The following CBFA2T2 variants were observed in gnomAD, a reference collection of about 807,000 sequenced individuals.
CBFA2T2 encodes CBFA2/RUNX1 partner transcriptional co-repressor 2.
A neutral mutation model predicts 62.2 loss-of-function variants in CBFA2T2; 11 were observed. The observed-to-expected ratio is 0.18, with a 90% confidence interval of 0.11 to 0.29. The LOEUF is 0.29. Among genes scored for constraint, CBFA2T2 ranks in the 10% least tolerant of loss-of-function variants. The pLI is 1.00. For synonymous variants in CBFA2T2, 295 were observed against 287.5 expected, an observed-to-expected ratio of 1.03 and a Z score of -0.27; for missense variants, 592 against 774.1, an observed-to-expected ratio of 0.76 and a Z score of 2.79.
At chr20:33,641,099 C>A (rs980738175) in intron 10 of CBFA2T2, among the ~76,000 whole-genome samples, 4 of 151,782 alleles carry the variant, frequency 2.6e-5, no homozygotes, top group Non-Finnish European at 4.4e-5. Flanking sequence ...GTGGTGCAAT[C>A]TTGGCTCACT....
At chr20:33,512,330 G>T (rs137969554) in intron 1 of CBFA2T2, among the ~76,000 whole-genome samples, 114 of 152,176 alleles carry the variant, frequency 7.5e-4, no homozygotes, top group African/African-American at 2.6e-3. Flanking sequence ...CAGCCTGGGC[G>T]ACAGAGCGAG....
At chr20:33,601,321 G>GT (rs1438199545) in intron 1 of CBFA2T2, among the ~76,000 whole-genome samples, 1 of 152,154 alleles carries the variant, frequency 6.6e-6, no homozygotes, top group Non-Finnish European at 1.5e-5. Context: ...CTGGAGTGCA[G>GT]TGGTGCGGTC....
At chr20:33,620,099 A>G (rs1257573177) in intron 4 of CBFA2T2, among the ~76,000 whole-genome samples, 1 of 152,226 alleles carries the variant, frequency 6.6e-6, no homozygotes, top group Admixed American at 6.5e-5. Context: ...TGTCTTCTGC[A>G]ATAATGTTCT....
At chr20:33,576,905 A>G (rs893569425) in intron 1 of CBFA2T2, among the ~76,000 whole-genome samples, 1 of 152,250 alleles carries the variant, frequency 6.6e-6, no homozygotes, top group African/African-American at 2.4e-5. Context: ...GGAGTGGTCT[A>G]TGAGATCTTA....
intron 1 of CBFA2T2, among the ~76,000 whole-genome samples, chr20:33,595,819 C>T (rs1042347113): frequency 9.2e-5 from 14 of 152,334 alleles, no homozygotes; most frequent in South Asian, 6.2e-4. Context: ...GGATTACAGA[C>T]GTGAACCACC....
chr20:33,605,261 C>G (rs1049224286), intron 1 of CBFA2T2, among the ~76,000 whole-genome samples: 21 of 152,208 alleles, frequency 1.4e-4, no homozygotes, highest in Admixed American at 1.3e-3. Context: ...TATAGCTGTG[C>G]TCTCACAGAA....
At chr20:33,581,465 T>C (rs1475170862) in intron 1 of CBFA2T2, among the ~76,000 whole-genome samples, 1 of 151,710 alleles carries the variant, frequency 6.6e-6, no homozygotes, top group Non-Finnish European at 1.5e-5. Flanking sequence ...CTCAAGGTTT[T>C]TTGTTTTTTG....
intron 8 of CBFA2T2, 137 bp from the exon 9 acceptor site, chr20:33,636,503 A>C (rs1317337622): frequency 1.6e-6 from 1 of 607,322 alleles, no homozygotes; most frequent in Non-Finnish European, 2.9e-6. Flanking sequence ...TCTGGTTTTT[A>C]GCCCTTATAT....
At chr20:33,633,043 G>A (rs976200994) in intron 8 of CBFA2T2, among the ~76,000 whole-genome samples, 1 of 151,986 alleles carries the variant, frequency 6.6e-6, no homozygotes, top group African/African-American at 2.4e-5. Context: ...ACAGACATAA[G>A]CTACCATGCC....
chr20:33,574,859 ATGAT>A (rs2013750196), intron 1 of CBFA2T2, among the ~76,000 whole-genome samples: 1 of 152,220 alleles, frequency 6.6e-6, no homozygotes, highest in Admixed American at 6.5e-5. Context: ...GGTGTGAAGA[ATGAT>A]TGGTCTTAAA....
At chr20:33,643,925 T>C (rs952938365) in intron 10 of CBFA2T2, among the ~76,000 whole-genome samples, 3 of 149,152 alleles carry the variant, frequency 2.0e-5, no homozygotes. Flanking sequence ...GTAGGATAAA[T>C]GTTCGTCTTA....
At chr20:33,556,136 GGATTACAAATGT>G (rs1439399607) in intron 1 of CBFA2T2, among the ~76,000 whole-genome samples, 1 of 152,086 alleles carries the variant, frequency 6.6e-6, no homozygotes, top group Non-Finnish European at 1.5e-5. Context: ...CAAAGTTTTG[GGATTACAAATGT>G]GAGCCACTGC....
At chr20:33,570,163 C>T (rs777079255) in intron 1 of CBFA2T2, among the ~76,000 whole-genome samples, 2 of 152,222 alleles carry the variant, frequency 1.3e-5, no homozygotes, top group African/African-American at 2.4e-5. Context: ...TGCCTGTAAT[C>T]CCAGCTACTG....
intron 9 of CBFA2T2, among the ~76,000 whole-genome samples, chr20:33,637,263 A>T (rs1180284661): frequency 1.3e-5 from 2 of 152,182 alleles, no homozygotes; most frequent in African/African-American, 4.8e-5. Flanking sequence ...CCTTATCCAA[A>T]TATTGGCATT....
chr20:33,514,218 T>G (rs926300801), intron 1 of CBFA2T2, among the ~76,000 whole-genome samples: 3 of 130,808 alleles, frequency 2.3e-5, no homozygotes, highest in Non-Finnish European at 3.3e-5. Context: ...TTTTTTTTTT[T>G]TTTTTTTTTT....
rs1361516541 is a variant in CBFA2T2, at chr20:33,649,817, G to A, written c.*5171G>A. Reference sequence around the variant, plus strand: ...AATAAATAGAAAACGAAGCCTCCACGCGTGGTTTTTAAAGGGGGATGATGA... The same window carrying A: ...AATAAATAGAAAACGAAGCCTCCACACGTGGTTTTTAAAGGGGGATGATGA... On this transcript the variant is annotated 3_prime_UTR_variant, in exon 11 of 11. Transcript: ENST00000342704. 3 of 152,548 alleles carry A rather than the reference G, an allele frequency of 2.0e-5. No homozygotes were observed. The highest frequency in any genetic ancestry group is 4.4e-5 in the Non-Finnish European group (3 of 68,028). 9.4% of individuals were successfully genotyped at this position (152,548 alleles called of 1,614,324 possible). A position where few individuals can be genotyped will look rare whatever the true frequency, so the allele number is the denominator to read the frequency against.
chr20:33,617,709 C>A (rs1410278826), intron 3 of CBFA2T2, among the ~76,000 whole-genome samples: 2 of 152,172 alleles, frequency 1.3e-5, no homozygotes, highest in Non-Finnish European at 2.9e-5. Context: ...TTACAGGTTT[C>A]TTTTGCTGTA....
intron 1 of CBFA2T2, among the ~76,000 whole-genome samples, chr20:33,536,834 A>T (rs2012261108): frequency 1.4e-5 from 2 of 141,108 alleles, no homozygotes; most frequent in South Asian, 4.6e-4. Flanking sequence ...GGCGCTCCTC[A>T]CTTCCTAGAT....
At chr20:33,588,530 T>G (rs913561552) in intron 1 of CBFA2T2, among the ~76,000 whole-genome samples, 1 of 152,140 alleles carries the variant, frequency 6.6e-6, no homozygotes, top group Non-Finnish European at 1.5e-5. Context: ...TTTGAAAGAT[T>G]TATGCTACAT....
Sources: allele counts gnomAD v4.1 joint callset (sites outside exome capture counted in the v4.1 genomes callset), GRCh38; gene constraint gnomAD v4.1.1; transcripts MANE v1.5; gene names NCBI Gene and HGNC (gene_info 2026-07-23, HGNC 2026-07-21).